Variants in CHM observed in about 807,000 individuals in gnomAD.
CHM encodes the protein CHM Rab escort protein.
Under a neutral mutation model 49.0 loss-of-function variants are expected in CHM, and 10 were observed. The ratio of observed to expected loss-of-function variants is 0.20; its 90% CI spans 0.13 to 0.35. The LOEUF is 0.35. Among genes scored for constraint, CHM ranks in the 10% least tolerant of loss-of-function variants. The pLI is 1.00. For synonymous variants in CHM, 184 were observed against 167.5 expected, an observed-to-expected ratio of 1.10 and a Z score of -0.76; for missense variants, 455 against 478.4, an observed-to-expected ratio of 0.95 and a Z score of 0.46.
At chrX:85,901,536 C>CT (rs367913666) in intron 9 of CHM, among the ~76,000 whole-genome samples, 1,577 of 110,390 alleles carry the variant, frequency 0.014, 28 homozygotes, top group African/African-American at 0.049. Flanking sequence ...AGAAAACAGG[C>CT]TTTTTTTTCC....
At chrX:85,986,700 T>A (rs1931932123) in intron 2 of CHM, among the ~76,000 whole-genome samples, 1 of 111,926 alleles carries the variant, frequency 8.9e-6, no homozygotes, top group Non-Finnish European at 1.9e-5. Flanking sequence ...GTTAAAGGAA[T>A]ACCCACAGGC....
intron 8 of CHM, among the ~76,000 whole-genome samples, chrX:85,938,781 C>G (rs1355294804): frequency 9.0e-6 from 1 of 110,870 alleles, no homozygotes; most frequent in Non-Finnish European, 1.9e-5. Context: ...TCCTCTTAAT[C>G]TAGCCAGCCT....
rs149713199 is a variant in CHM, at chrX:85,951,150, A to C, written c.1166+5003T>G. The stretch of plus-strand genomic sequence containing the variant: ...TTCTTAAATGCTTATATTAAAAAAT[A>C]TTTAAAAGATGAATACTTAATTCAC... On this transcript the variant is annotated intron_variant, in intron 8 of 14. Coordinates refer to ENST00000357749, the MANE Select transcript of CHM (RefSeq NM_000390.4). Among the ~76,000 whole-genome samples, 485 of 112,305 alleles carry C rather than the reference A, an allele frequency of 4.3e-3. 6 individuals carry two copies. Among genetic ancestry groups the C allele is most frequent in the Admixed American group, 0.036 (377 of 10,540 alleles).
At chrX:85,976,082 T>C (rs1390817194) in intron 4 of CHM, among the ~76,000 whole-genome samples, 1 of 112,096 alleles carries the variant, frequency 8.9e-6, no homozygotes, top group African/African-American at 3.2e-5. Flanking sequence ...CTCATCTTTC[T>C]AAAACGTACT....
chrX:85,880,983 T>C (rs1187010227), intron 12 of CHM, among the ~76,000 whole-genome samples: 1 of 112,352 alleles, frequency 8.9e-6, no homozygotes, highest in Non-Finnish European at 1.9e-5. Flanking sequence ...TTAAAATTCA[T>C]TGATTCTCAA....
At chrX:86,021,762 A>G (rs112870070) in intron 2 of CHM, among the ~76,000 whole-genome samples, 1 of 112,136 alleles carries the variant, frequency 8.9e-6, no homozygotes, top group Non-Finnish European at 1.9e-5. Flanking sequence ...AAGAAGTGGA[A>G]GCAGCTCAAA....
chrX:86,040,330 G>A (rs1934410716), intron 1 of CHM, among the ~76,000 whole-genome samples: 1 of 112,217 alleles, frequency 8.9e-6, no homozygotes. Flanking sequence ...CCCCTCTTGT[G>A]AGGGGTGAAA....
intron 2 of CHM, among the ~76,000 whole-genome samples, chrX:85,997,280 A>G (rs1390685260): frequency 2.7e-5 from 3 of 111,217 alleles, no homozygotes; most frequent in Non-Finnish European, 5.7e-5. Context: ...ACAGTTTATA[A>G]TATAAAATTT....
intron 8 of CHM, among the ~76,000 whole-genome samples, chrX:85,953,049 C>A (rs2092068): frequency 0.23 from 25,781 of 111,657 alleles, 2,227 homozygotes; most frequent in Non-Finnish European, 0.25. Context: ...CCATCAAAAA[C>A]CTATTAGACT....
chrX:85,945,686 C>G (rs1266362986), intron 8 of CHM, among the ~76,000 whole-genome samples: 1 of 109,519 alleles, frequency 9.1e-6, no homozygotes, highest in African/African-American at 3.3e-5. Context: ...AAAACTTGTA[C>G]AGAGGAATGG....
rs760600061 is a variant in CHM at position 86,031,781 on chromosome X, G to A, written c.50-4224C>T. Among the ~76,000 whole-genome samples, 1,004 of 111,637 alleles carry A rather than the reference G, an allele frequency of 9.0e-3. 15 individuals are homozygous for A. Among genetic ancestry groups the A allele is most frequent in the African/African-American group, 0.031 (945 of 30,733 alleles). On this transcript the variant is annotated intron_variant, in intron 1 of 14. Coordinates refer to ENST00000357749, the MANE Select transcript of CHM (RefSeq NM_000390.4). ...CTTGAACCCGGAAGGCAAAGGTTGCGGTGAGCCAAGATCGCACCATTGCAC... is the reference window on the plus strand; with the variant it reads ...CTTGAACCCGGAAGGCAAAGGTTGCAGTGAGCCAAGATCGCACCATTGCAC...
At chrX:86,046,167 A>C (rs1463686927) in intron 1 of CHM, among the ~76,000 whole-genome samples, 1 of 112,266 alleles carries the variant, frequency 8.9e-6, no homozygotes, top group Non-Finnish European at 1.9e-5. Flanking sequence ...CAATTCAAGC[A>C]ATTCATACTA....
At chrX:85,905,394 T>A (rs1403178961) in intron 9 of CHM, among the ~76,000 whole-genome samples, 1 of 111,990 alleles carries the variant, frequency 8.9e-6, no homozygotes, top group Non-Finnish European at 1.9e-5. Context: ...ATAACAACCA[T>A]GTGCCAAGCA....
intron 1 of CHM, among the ~76,000 whole-genome samples, chrX:86,038,156 C>G (rs1353375458): frequency 9.0e-6 from 1 of 111,689 alleles, no homozygotes; most frequent in Non-Finnish European, 1.9e-5. Flanking sequence ...TAAATAAGAT[C>G]ACTACAAAGA....
intron 1 of CHM, among the ~76,000 whole-genome samples, chrX:86,027,911 G>A (rs1267328509): frequency 9.0e-6 from 1 of 110,642 alleles, no homozygotes; most frequent in Non-Finnish European, 1.9e-5. Context: ...TTACAGGCAT[G>A]CGCCGCACAC....
chrX:85,888,122 C>T (rs746617499), intron 12 of CHM, among the ~76,000 whole-genome samples: 32 of 110,791 alleles, frequency 2.9e-4, no homozygotes, highest in African/African-American at 1.0e-3. Context: ...GAGACCTTTG[C>T]AGCAGCCCCT....
At chrX:85,989,141 A>T (rs1932058774) in intron 2 of CHM, among the ~76,000 whole-genome samples, 1 of 111,976 alleles carries the variant, frequency 8.9e-6, no homozygotes, top group African/African-American at 3.2e-5. Context: ...GTACTGGTAC[A>T]AAACCAGGTA....
chrX:86,019,435 G>T (rs942648506), intron 2 of CHM, among the ~76,000 whole-genome samples: 16 of 111,755 alleles, frequency 1.4e-4, no homozygotes, highest in Admixed American at 1.3e-3. Context: ...CCAAGCCAAA[G>T]AAAGGAAATA....
At chrX:86,034,596 C>G (rs1164592612) in intron 1 of CHM, among the ~76,000 whole-genome samples, 2 of 111,029 alleles carry the variant, frequency 1.8e-5, no homozygotes. Flanking sequence ...GCCTGGCCAA[C>G]ATAGTGAAAC....
Sources: gnomAD v4.1 joint callset for allele counts (sites outside exome capture counted in the v4.1 genomes callset) on GRCh38, gnomAD v4.1.1 for gene constraint, MANE v1.5 for transcripts, NCBI Gene and HGNC (gene_info 2026-07-23, HGNC 2026-07-21) for gene names.